The following PTPRQ variants were observed in gnomAD, a reference collection of about 807,000 sequenced individuals.
PTPRQ encodes phosphatidylinositol phosphatase PTPRQ.
In PTPRQ, 199 loss-of-function variants were observed where a neutral mutation model predicts 246.0. That is an observed-to-expected ratio of 0.81 (90% CI 0.72 to 0.91). The LOEUF (loss-of-function observed/expected upper bound fraction) is 0.91. Ranked by LOEUF, PTPRQ falls within the 40% of genes least tolerant of loss-of-function variation. The pLI is 0.00. For synonymous variants in PTPRQ, 869 were observed against 853.2 expected, an observed-to-expected ratio of 1.02 and a Z score of -0.32; for missense variants, 2,624 against 2,528.4, an observed-to-expected ratio of 1.04 and a Z score of -0.81.
intron 25 of PTPRQ, among the ~76,000 whole-genome samples, chr12:80,587,704 G>A (rs1258303849): frequency 6.6e-6 from 1 of 151,980 alleles, no homozygotes; most frequent in African/African-American, 2.4e-5. Flanking sequence ...CTAGATATAA[G>A]ATGTGTTTGT....
chr12:80,557,888 C>T (rs1454375394), intron 25 of PTPRQ, among the ~76,000 whole-genome samples: 1 of 152,104 alleles, frequency 6.6e-6, no homozygotes, highest in Non-Finnish European at 1.5e-5. Flanking sequence ...CTCATTCTGA[C>T]CCCTTGGACA....
rs192222383 is a variant in PTPRQ, at chr12:80,623,598, C to G, written c.5686+1464C>G. On this transcript the variant is annotated intron_variant, in intron 33 of 44. Coordinates refer to ENST00000644991, the MANE Select transcript of PTPRQ (RefSeq NM_001145026.2). ...GCCATTACTTCAGCTAAGTAGTGAT[C>G]CTGGTGCATTTGCCAATGGAAGGTA... Among the ~76,000 whole-genome samples, 464 of 152,200 alleles carry G rather than the reference C, an allele frequency of 3.0e-3. 5 individuals carry two copies. The highest frequency in any genetic ancestry group is 4.0e-3 in the Non-Finnish European group (271 of 68,008).
intron 19 of PTPRQ, among the ~76,000 whole-genome samples, chr12:80,535,435 A>G (rs1895957725): frequency 6.6e-6 from 1 of 152,186 alleles, no homozygotes; most frequent in Non-Finnish European, 1.5e-5. Context: ...TATATGATAT[A>G]AATAGTTCTA....
intron 35 of PTPRQ, among the ~76,000 whole-genome samples, chr12:80,640,619 A>G (rs910912920): frequency 7.2e-5 from 11 of 152,192 alleles, no homozygotes; most frequent in Non-Finnish European, 1.5e-4. Context: ...TTTGTCATCC[A>G]GTAAGTTACT....
rs1487557355 is a variant in PTPRQ, at chr12:80,613,458, C to T, written c.4919-134C>T. On this transcript the variant is annotated intron_variant, in intron 28 of 44. Transcript: ENST00000644991. Reference sequence around the variant, plus strand: ...ATTCTATAATGCGTCAGTCATTTTGCTAGTTTTTGCAGTTTATATGGTTTA... The same window carrying T: ...ATTCTATAATGCGTCAGTCATTTTGTTAGTTTTTGCAGTTTATATGGTTTA... The T allele has an allele frequency of 7.1e-6, 6 of 840,152 alleles. No homozygotes were observed. In the East Asian group the frequency reaches 8.4e-5, roughly 12 times the overall value. The allele number at this position is 840,152 out of a possible 1,614,324, so 52.0% of individuals were successfully genotyped here.
chr12:80,668,516 G>A (rs555604505), intron 39 of PTPRQ, among the ~76,000 whole-genome samples: 1 of 151,974 alleles, frequency 6.6e-6, no homozygotes, highest in East Asian at 1.9e-4. Flanking sequence ...ATACATGGCA[G>A]AAACATCATG....
rs1894621071 is a variant in PTPRQ at position 80,496,349 on chromosome 12, T to C, written c.2090T>C (p.Ile697Thr). The C allele has an allele frequency of 6.4e-7, 1 of 1,550,836 alleles. No individual in the cohort carries two copies. Among genetic ancestry groups the C allele is most frequent in the Non-Finnish European group, 8.7e-7 (1 of 1,146,486 alleles). Residue 697 changes from isoleucine to threonine, a missense_variant, in exon 14 of 45, where the codon ATT becomes ACT. Physicochemically the swap from Ile to Thr is moderately conservative, Grantham distance 89. Transcript: ENST00000644991. Reference protein sequence around the residue: ...SPPEKPNGIIIAYEVLYKNID... With the variant: ...SPPEKPNGIITAYEVLYKNID... ...CCCGAAAAGCCCAATGGGATCATTA[T>C]TGCTTATGAAGTGCTATATAAAAAT...
rs549627000 is a variant in PTPRQ, at chr12:80,561,863, T to TC, written c.4285+12130dup. 3.5e-3 allele frequency among the ~76,000 whole-genome samples: 528 copies of TC among 152,310 alleles called. 5 individuals are homozygous for TC. The highest frequency in any genetic ancestry group is 0.012 in the African/African-American group (512 of 41,562). ...GAGGACACCCTTGCCTTGTTCCTGA[T>TC]CTTGAGAGAAAGCATTCAATTCTTT... On this transcript the variant is annotated intron_variant, in intron 25 of 44. Coordinates refer to ENST00000644991, the MANE Select transcript of PTPRQ (RefSeq NM_001145026.2).
intron 25 of PTPRQ, among the ~76,000 whole-genome samples, chr12:80,578,030 CGTT>C (rs1271530160): frequency 2.0e-5 from 3 of 151,620 alleles, no homozygotes; most frequent in African/African-American, 7.3e-5. Context: ...CTCAGAGTGA[CGTT>C]GTAAGAATGG....
chr12:80,494,320 G>A (rs975896534), intron 10 of PTPRQ, among the ~76,000 whole-genome samples: 12 of 152,012 alleles, frequency 7.9e-5, no homozygotes, highest in South Asian at 4.1e-4. Flanking sequence ...TAAATAAAGC[G>A]AAAATCTAAC....
chr12:80,548,654 C>T (rs1896379900), intron 24 of PTPRQ, among the ~76,000 whole-genome samples: 1 of 150,282 alleles, frequency 6.7e-6, no homozygotes, highest in African/African-American at 2.4e-5. Context: ...TTGTAATCCA[C>T]AAATTGACTG....
chr12:80,628,099 T>A (rs948911279), intron 33 of PTPRQ, among the ~76,000 whole-genome samples: 1 of 152,128 alleles, frequency 6.6e-6, no homozygotes, highest in African/African-American at 2.4e-5. Flanking sequence ...TATTACCTAA[T>A]AAAGAGGATT....
intron 19 of PTPRQ, among the ~76,000 whole-genome samples, chr12:80,536,959 T>C (rs975247800): frequency 3.3e-5 from 5 of 152,226 alleles, no homozygotes; most frequent in African/African-American, 7.2e-5. Context: ...TGTCCATATC[T>C]AAATAATATA....
rs543044745 is a variant in PTPRQ at position 80,468,459 on chromosome 12, C to T, written c.911-251C>T. On this transcript the variant is annotated intron_variant, in intron 6 of 44. Coordinates refer to ENST00000644991, the MANE Select transcript of PTPRQ (RefSeq NM_001145026.2). ...ACAATGAATATTAGAATGAAACTTGCGCAGTGCAATAGTAAACAGTATTAA... is the reference window on the plus strand; with the variant it reads ...ACAATGAATATTAGAATGAAACTTGTGCAGTGCAATAGTAAACAGTATTAA... Among the ~76,000 whole-genome samples, 43 of 152,102 alleles carry T rather than the reference C, an allele frequency of 2.8e-4. No homozygotes were observed. The South Asian group carries it at 6.2e-3, about 22-fold the overall frequency.
intron 25 of PTPRQ, among the ~76,000 whole-genome samples, chr12:80,564,064 G>C (rs1177689801): frequency 2.0e-5 from 3 of 151,878 alleles, no homozygotes; most frequent in South Asian, 4.2e-4. Flanking sequence ...TTTTTAGCTA[G>C]AGAGAGCAGA....
intron 19 of PTPRQ, among the ~76,000 whole-genome samples, chr12:80,538,536 T>C (rs1404492007): frequency 6.6e-6 from 1 of 152,222 alleles, no homozygotes; most frequent in Non-Finnish European, 1.5e-5. Context: ...TTAAAGTTCA[T>C]GGATCATATT....
intron 25 of PTPRQ, among the ~76,000 whole-genome samples, chr12:80,552,058 C>T (rs192588486): frequency 4.1e-4 from 63 of 152,192 alleles, no homozygotes; most frequent in African/African-American, 1.4e-3. Context: ...CCCAGACTTG[C>T]TGACTCATAG....
intron 14 of PTPRQ, among the ~76,000 whole-genome samples, chr12:80,504,108 C>G (rs1486680287): frequency 6.6e-6 from 1 of 151,544 alleles, no homozygotes; most frequent in Non-Finnish European, 1.5e-5. Flanking sequence ...CAGCCATTAT[C>G]CCTTTAAATA....
intron 14 of PTPRQ, among the ~76,000 whole-genome samples, chr12:80,499,411 C>T (rs1894728993): frequency 6.6e-6 from 1 of 152,004 alleles, no homozygotes; most frequent in South Asian, 2.1e-4. Flanking sequence ...AAACCACCCA[C>T]TTTAGCTCCT....
Sources: allele counts gnomAD v4.1 joint callset (sites outside exome capture counted in the v4.1 genomes callset), GRCh38; gene constraint gnomAD v4.1.1; transcripts MANE v1.5; gene names NCBI Gene and HGNC (gene_info 2026-07-23, HGNC 2026-07-21).